The following UPF2 variants were observed in gnomAD, a reference collection of about 807,000 sequenced individuals.
UPF2 encodes the protein regulator of nonsense transcripts 2.
In UPF2, 17 loss-of-function variants were observed where a neutral mutation model predicts 141.4. The ratio of observed to expected loss-of-function variants is 0.12; its 90% CI spans 0.08 to 0.18. UPF2 has a LOEUF of 0.18. Ranked by LOEUF, UPF2 falls within the 10% of genes least tolerant of loss-of-function variation. UPF2 has a pLI of 1.00. For synonymous variants in UPF2, 540 were observed against 498.0 expected (o/e 1.08, Z -1.12); for missense variants, 1,152 against 1,515.9 (o/e 0.76, Z 3.99).
chr10:12,024,956 A>G (rs901583538), intron 3 of UPF2, among the ~76,000 whole-genome samples: 1 of 147,354 alleles, frequency 6.8e-6, no homozygotes, highest in Non-Finnish European at 1.5e-5. Flanking sequence ...AAAAAAAAAA[A>G]ACACAGCTAC....
chr10:12,009,261 A>G (rs962593463), intron 4 of UPF2, among the ~76,000 whole-genome samples: 1 of 152,236 alleles, frequency 6.6e-6, no homozygotes, highest in African/African-American at 2.4e-5. Flanking sequence ...TTGTTACAGC[A>G]CTGACAATAA....
chr10:11,947,786 C>CAAAAAAAAAAA (rs58897556), intron 16 of UPF2, among the ~76,000 whole-genome samples: 3 of 65,582 alleles, frequency 4.6e-5, no homozygotes, highest in African/African-American at 5.8e-5. Flanking sequence ...AACCTTGTCT[C>CAAAAAAAAAAA]AAAAAAAAAA....
chr10:12,001,655 G>C, intron 6 of UPF2, 21 bp downstream of exon 6: 1 of 1,575,124 alleles, frequency 6.3e-7, no homozygotes. Flanking sequence ...AAAAATGAAA[G>C]TTGGTAAATT....
At chr10:12,015,702 C>CATAA (rs546836989) in intron 3 of UPF2, among the ~76,000 whole-genome samples, 184 of 152,064 alleles carry the variant, frequency 1.2e-3, no homozygotes, top group African/African-American at 3.7e-3. Context: ...ACTCTTGTCT[C>CATAA]ATAAATAAAT....
chr10:11,941,865 T>C (rs989935681), intron 18 of UPF2, among the ~76,000 whole-genome samples: 1 of 152,236 alleles, frequency 6.6e-6, no homozygotes. Flanking sequence ...TTCAAAAAAC[T>C]GCTAAGTAGT....
intron 2 of UPF2, among the ~76,000 whole-genome samples, chr10:12,034,682 G>A (rs542058800): frequency 9.9e-5 from 15 of 152,148 alleles, no homozygotes; most frequent in African/African-American, 3.4e-4. Context: ...GCAGGTGCCT[G>A]TAATCCCAGC....
At chr10:11,996,767 C>T (rs1382308493) in intron 8 of UPF2, among the ~76,000 whole-genome samples, 3 of 152,118 alleles carry the variant, frequency 2.0e-5, no homozygotes, top group African/African-American at 4.8e-5. Flanking sequence ...AAATGAATAA[C>T]GCTAGCAGGA....
intron 19 of UPF2, among the ~76,000 whole-genome samples, chr10:11,934,725 G>T (rs1396149728): frequency 6.6e-6 from 1 of 152,176 alleles, no homozygotes. Flanking sequence ...GAGTAGCTGG[G>T]ATTACAGGCA....
chr10:11,955,146 C>CT (rs1833128768), intron 14 of UPF2, 86 bp downstream of exon 14: 4 of 1,274,138 alleles, frequency 3.1e-6, no homozygotes, highest in Non-Finnish European at 4.1e-6. Flanking sequence ...TATATGAATA[C>CT]CATAACGTTT....
At chr10:11,971,974 G>A (rs1833425085) in intron 9 of UPF2, among the ~76,000 whole-genome samples, 1 of 147,674 alleles carries the variant, frequency 6.8e-6, no homozygotes, top group Non-Finnish European at 1.5e-5. Flanking sequence ...TGAGGCAGGA[G>A]AATCACTTGA....
chr10:12,031,766 C>A (rs1236809575), intron 2 of UPF2, among the ~76,000 whole-genome samples: 1 of 151,948 alleles, frequency 6.6e-6, no homozygotes, highest in Non-Finnish European at 1.5e-5. Flanking sequence ...ACAGAGTGAG[C>A]CCTGTCTCAA....
rs991316454 is a variant in UPF2, at chr10:12,029,384, T to C, written c.506A>G (p.Lys169Arg). The C allele has an allele frequency of 4.3e-6, 7 of 1,614,250 alleles. No individual in the cohort carries two copies. In the Admixed American group the frequency reaches 8.3e-5, roughly 19 times the overall value. The change falls in exon 3 of 22, where the codon AAG (lysine) becomes AGG (arginine). Residue 169 changes from lysine (K) to arginine (R), a missense_variant. Around this residue, in one of 4 missense-constraint regions of UPF2, gnomAD observed 739 missense variants for 1,032.2 expected, o/e 0.72. Transcript: ENST00000357604. ...TTTCTTGACAAAAGCAGTATTTTTC[T>C]TCAAACTTGAGTCGAGGCGGCTGAA... ...NFFSRLDSSL[K>R]KNTAFVKKLK...
At chr10:11,996,467 C>A (rs760424485) in intron 8 of UPF2, among the ~76,000 whole-genome samples, 1 of 151,978 alleles carries the variant, frequency 6.6e-6, no homozygotes, top group Non-Finnish European at 1.5e-5. Context: ...CCTGCCATGG[C>A]CTCATGAGAA....
intron 7 of UPF2, among the ~76,000 whole-genome samples, chr10:11,999,329 T>C (rs1393600427): frequency 2.0e-5 from 3 of 151,702 alleles, no homozygotes; most frequent in African/African-American, 4.8e-5. Context: ...CCAGCCAATA[T>C]GATGAAACCA....
rs79475258 is a variant in UPF2 at position 11,939,584 on chromosome 10, G to A, written c.3379-2872C>T. On this transcript the variant is annotated intron_variant, in intron 18 of 21. Transcript: ENST00000357604. The surrounding 1 kb of genome is among the most constrained non-coding windows in gnomAD (Gnocchi z 4.8). ...GGCTGGAGTGCAATGGCGTGATCTC[G>A]GCTCACTGCAACCTCCACCTCCCAG... Among the ~76,000 whole-genome samples the A allele has an allele frequency of 1.3e-5, 2 of 150,980 alleles. No individual in the cohort carries two copies. The highest frequency in any genetic ancestry group is 2.9e-5 in the Non-Finnish European group (2 of 67,870).
intron 8 of UPF2, among the ~76,000 whole-genome samples, chr10:11,982,801 G>A (rs1392790642): frequency 6.6e-6 from 1 of 152,034 alleles, no homozygotes; most frequent in Non-Finnish European, 1.5e-5. Context: ...TGTGTCTTTA[G>A]TAGAGATGGA....
intron 9 of UPF2, among the ~76,000 whole-genome samples, chr10:11,972,310 T>C (rs1833432022): frequency 2.0e-5 from 3 of 152,220 alleles, no homozygotes; most frequent in African/African-American, 7.2e-5. Context: ...TCTGAAAACC[T>C]ACTGTAGGCT....
intron 21 of UPF2, among the ~76,000 whole-genome samples, chr10:11,922,955 G>C (rs1832664418): frequency 6.6e-6 from 1 of 152,246 alleles, no homozygotes; most frequent in Non-Finnish European, 1.5e-5. Flanking sequence ...GACTGCTTGA[G>C]CCCAGGAGGT....
At chr10:11,964,432 T>C (rs547097523) in intron 10 of UPF2, among the ~76,000 whole-genome samples, 1 of 152,372 alleles carries the variant, frequency 6.6e-6, no homozygotes, top group Admixed American at 6.5e-5. Flanking sequence ...TCAATGCCTT[T>C]TGTCTTGGTC....
Sources: allele counts gnomAD v4.1 joint callset (sites outside exome capture counted in the v4.1 genomes callset), GRCh38; gene constraint gnomAD v4.1.1; regional missense constraint gnomAD v4.1.1; non-coding constraint Gnocchi (gnomAD v3.1); transcripts MANE v1.5; gene names NCBI Gene and HGNC (gene_info 2026-07-23, HGNC 2026-07-21).